PRKG1: variants seen among roughly 807,000 people sequenced by gnomAD.
PRKG1 encodes the protein cGMP-dependent protein kinase 1.
PRKG1 carries 35 observed loss-of-function variants against 88.1 expected under a neutral mutation model. That is an observed-to-expected ratio of 0.40 (90% CI 0.30 to 0.53). The LOEUF is 0.53. Ranked by LOEUF, PRKG1 falls within the 20% of genes least tolerant of loss-of-function variation. The pLI, the probability that PRKG1 is intolerant of heterozygous loss-of-function variation, is 0.59. For synonymous variants in PRKG1, 303 were observed against 292.5 expected (o/e 1.04, Z -0.37); for missense variants, 540 against 839.8 (o/e 0.64, Z 4.41).
intron 2 of PRKG1, among the ~76,000 whole-genome samples, chr10:51,273,769 A>G (rs1009438904): frequency 2.6e-5 from 4 of 152,226 alleles, no homozygotes; most frequent in African/African-American, 9.6e-5. Context: ...GAACTTCCTC[A>G]TCAGATGAAT....
At chr10:52,005,238 G>C (rs1327902534) in intron 5 of PRKG1, among the ~76,000 whole-genome samples, 1 of 144,860 alleles carries the variant, frequency 6.9e-6, no homozygotes, top group African/African-American at 2.6e-5. Flanking sequence ...ATGAATGAAA[G>C]GGTAATGCCC....
intron 3 of PRKG1, among the ~76,000 whole-genome samples, chr10:51,791,909 A>G (rs1195267833): frequency 6.6e-6 from 1 of 152,170 alleles, no homozygotes; most frequent in Non-Finnish European, 1.5e-5. Flanking sequence ...CATTCAGTCC[A>G]TTGACTGAAA....
intron 1 of PRKG1, among the ~76,000 whole-genome samples, chr10:51,141,474 A>G (rs1292224801): frequency 6.6e-6 from 1 of 152,186 alleles, no homozygotes; most frequent in Non-Finnish European, 1.5e-5. Flanking sequence ...GTCACTCTTT[A>G]AATCACTTTG....
In PRKG1 at chr10:51,069,241, T is replaced by C. The variant is rs114143446; in HGVS notation, c.266+77597T>C. Among the ~76,000 whole-genome samples, 656 of 152,140 alleles carry C rather than the reference T, an allele frequency of 4.3e-3. 5 individuals are homozygous for C. Among genetic ancestry groups the C allele is most frequent in the African/African-American group, 0.015 (607 of 41,562 alleles). Reference sequence around the variant, plus strand: ...GCAGTAAGTTTTTCATCATTAATGGTTTATTATTTTTTTCTTTTCTACGCA... The same window carrying C: ...GCAGTAAGTTTTTCATCATTAATGGCTTATTATTTTTTTCTTTTCTACGCA... On this transcript the variant is annotated intron_variant, in intron 1 of 17. Coordinates refer to the PRKG1 transcript ENST00000401604.
At chr10:51,887,773 A>G (rs1841609789) in intron 4 of PRKG1, among the ~76,000 whole-genome samples, 1 of 152,078 alleles carries the variant, frequency 6.6e-6, no homozygotes, top group African/African-American at 2.4e-5. Flanking sequence ...CCAATTTTTA[A>G]TTAGTTTGTT....
At chr10:51,443,885 T>C (rs1839193469) in intron 2 of PRKG1, among the ~76,000 whole-genome samples, 1 of 152,000 alleles carries the variant, frequency 6.6e-6, no homozygotes, top group Non-Finnish European at 1.5e-5. Flanking sequence ...GAAGTCTTGT[T>C]AAATCAACAA....
At chr10:51,944,382 T>A (rs1842978011) in intron 5 of PRKG1, among the ~76,000 whole-genome samples, 1 of 152,072 alleles carries the variant, frequency 6.6e-6, no homozygotes, top group Admixed American at 6.5e-5. Context: ...TCTATCAATT[T>A]TGTTGATCCT....
chr10:51,670,749 T>A (rs979429787), intron 3 of PRKG1, among the ~76,000 whole-genome samples: 2,098 of 71,692 alleles, frequency 0.029, 37 homozygotes, highest in Middle Eastern at 0.037. Flanking sequence ...AAAAAATAAA[T>A]AAATAAATAA....
At chr10:51,605,961 T>C in intron 3 of PRKG1, among the ~76,000 whole-genome samples, 1 of 152,216 alleles carries the variant, frequency 6.6e-6, no homozygotes, top group Non-Finnish European at 1.5e-5. Flanking sequence ...TCATAGGTTG[T>C]TCTAAAGACT....
intron 9 of PRKG1, among the ~76,000 whole-genome samples, chr10:52,226,002 C>G (rs949225054): frequency 6.7e-6 from 1 of 149,870 alleles, no homozygotes; most frequent in Non-Finnish European, 1.5e-5. Context: ...GTCTCCTCCA[C>G]TAGCATGTAA....
At chr10:51,207,801 C>A (rs1246163322) in intron 2 of PRKG1, among the ~76,000 whole-genome samples, 1 of 152,174 alleles carries the variant, frequency 6.6e-6, no homozygotes, top group African/African-American at 2.4e-5. Flanking sequence ...AATTCTACTA[C>A]TTGGTTGTTT....
intron 8 of PRKG1, 28 bp downstream of exon 8, chr10:52,133,933 TAC>T: frequency 6.4e-7 from 1 of 1,559,640 alleles, no homozygotes; most frequent in Non-Finnish European, 8.8e-7. Flanking sequence ...TTATGTGAAT[TAC>T]ACACTCATAT....
chr10:52,164,105 C>T (rs1838360029), intron 9 of PRKG1, among the ~76,000 whole-genome samples: 1 of 152,038 alleles, frequency 6.6e-6, no homozygotes, highest in Non-Finnish European at 1.5e-5. Context: ...AATCCCAGCA[C>T]TTTGGGAGGT....
chr10:52,050,456 C>T (rs1845963067), intron 5 of PRKG1, among the ~76,000 whole-genome samples: 2 of 152,028 alleles, frequency 1.3e-5, no homozygotes, highest in African/African-American at 4.8e-5. Context: ...CTTCAAAAAC[C>T]AGTGAAAGTG....
intron 4 of PRKG1, among the ~76,000 whole-genome samples, chr10:51,814,323 C>A (rs2132629130): frequency 6.6e-6 from 1 of 152,286 alleles, no homozygotes; most frequent in Non-Finnish European, 1.5e-5. Context: ...GATCACAATT[C>A]TGGGAAATTA....
chr10:51,886,402 A>G (rs1031706505), intron 4 of PRKG1, among the ~76,000 whole-genome samples: 1 of 152,196 alleles, frequency 6.6e-6, no homozygotes, highest in Admixed American at 6.5e-5. Context: ...ATTAGAATTT[A>G]TGCATGCACA....
chr10:51,390,640 G>T (rs1000263543), intron 2 of PRKG1, among the ~76,000 whole-genome samples: 1 of 152,090 alleles, frequency 6.6e-6, no homozygotes, highest in Non-Finnish European at 1.5e-5. Flanking sequence ...GTCCATGGTG[G>T]TATTTACTTT....
intron 1 of PRKG1, among the ~76,000 whole-genome samples, chr10:51,083,695 T>A (rs1298724435): frequency 6.6e-6 from 1 of 151,874 alleles, no homozygotes; most frequent in Non-Finnish European, 1.5e-5. Flanking sequence ...AGTTGAGAGG[T>A]CGGAGACGAC....
intron 5 of PRKG1, among the ~76,000 whole-genome samples, chr10:51,985,164 G>T (rs1158350433): frequency 2.6e-5 from 4 of 152,004 alleles, no homozygotes; most frequent in African/African-American, 9.7e-5. Flanking sequence ...TGTTAAACTT[G>T]TTCTTTTTTG....
Sources: gnomAD v4.1 joint callset for allele counts (sites outside exome capture counted in the v4.1 genomes callset) on GRCh38, gnomAD v4.1.1 for gene constraint, MANE v1.5 for transcripts, NCBI Gene and HGNC (gene_info 2026-07-23, HGNC 2026-07-21) for gene names.